The following SUGCT variants were observed in gnomAD, a reference collection of about 807,000 sequenced individuals.
The protein encoded by SUGCT is succinyl-CoA:glutarate-CoA transferase.
A neutral mutation model predicts 55.0 loss-of-function variants in SUGCT; 41 were observed. The observed-to-expected ratio is 0.74, with a 90% CI of 0.58 to 0.97. SUGCT has a LOEUF of 0.97. Ranked by LOEUF, SUGCT falls within the 50% of genes least tolerant of loss-of-function variation. SUGCT has a pLI of 0.00. For synonymous variants in SUGCT, 187 were observed against 200.4 expected (o/e 0.93, Z 0.56); for missense variants, 568 against 547.8 (o/e 1.04, Z -0.37).
chr7:40,781,635 T>A (rs1035382792), intron 13 of SUGCT, among the ~76,000 whole-genome samples: 17 of 152,174 alleles, frequency 1.1e-4, no homozygotes, highest in African/African-American at 3.9e-4. Flanking sequence ...TTTCTGAGAA[T>A]GAATAGAGTT....
chr7:41,015,510 C>A, the SUGCT span, among the ~76,000 whole-genome samples: 1 of 152,172 alleles, frequency 6.6e-6, no homozygotes, highest in African/African-American at 2.4e-5. Flanking sequence ...AAATTCTAAT[C>A]TTTGAAAGTA....
rs148564297 is a variant in SUGCT at position 40,647,743 on chromosome 7, C to T, written c.1090-101691C>T. ...GTGGGCACCTGTAATCCCAGCTACT[C>T]GGTAGGCTGAGGCAGGAGAATCGCT... On this transcript the variant is annotated intron_variant, in intron 12 of 13. Transcript: ENST00000335693. Among the ~76,000 whole-genome samples the T allele has an allele frequency of 1.2e-3, 187 of 151,444 alleles. 1 individual carries two copies. Among genetic ancestry groups the T allele is most frequent in the East Asian group, 6.8e-3 (35 of 5,142 alleles).
At chr7:40,596,446 C>G (rs1798013252) in intron 12 of SUGCT, among the ~76,000 whole-genome samples, 1 of 152,160 alleles carries the variant, frequency 6.6e-6, no homozygotes, top group African/African-American at 2.4e-5. Context: ...AATATTACTG[C>G]TGCAATGTAA....
intron 12 of SUGCT, among the ~76,000 whole-genome samples, chr7:40,728,261 G>A (rs1262159945): frequency 6.6e-6 from 1 of 152,174 alleles, no homozygotes; most frequent in Non-Finnish European, 1.5e-5. Flanking sequence ...GCTCATGCCT[G>A]TAATCCTAGC....
the SUGCT span, chr7:40,965,929 A>C: frequency 6.6e-6 from 1 of 152,350 alleles, no homozygotes; most frequent in African/African-American, 2.4e-5. Flanking sequence ...CAGTCATTGT[A>C]ATGGCCTAGT....
At chr7:40,853,475 C>T (rs1259430295) in intron 13 of SUGCT, among the ~76,000 whole-genome samples, 2 of 152,218 alleles carry the variant, frequency 1.3e-5, no homozygotes. Context: ...AGAAATTCTC[C>T]TGCCTCAGCC....
At chr7:40,212,575 G>A (rs560276113) in intron 6 of SUGCT, among the ~76,000 whole-genome samples, 2 of 151,814 alleles carry the variant, frequency 1.3e-5, no homozygotes, top group African/African-American at 4.8e-5. Context: ...TGCTCTGTCC[G>A]CCAGGCTGGA....
intron 9 of SUGCT, among the ~76,000 whole-genome samples, chr7:40,331,337 C>T (rs895953710): frequency 2.6e-5 from 4 of 152,074 alleles, no homozygotes; most frequent in Non-Finnish European, 5.9e-5. Flanking sequence ...GCTGCTGAGA[C>T]TCAACTTGCT....
chr7:40,798,995 G>C (rs1790683728), intron 13 of SUGCT, among the ~76,000 whole-genome samples: 1 of 152,152 alleles, frequency 6.6e-6, no homozygotes, highest in African/African-American at 2.4e-5. Flanking sequence ...TTTGCTTTAG[G>C]AAGATTGCTG....
At chr7:40,346,519 A>G (rs1797316187) in intron 9 of SUGCT, among the ~76,000 whole-genome samples, 1 of 152,182 alleles carries the variant, frequency 6.6e-6, no homozygotes, top group African/African-American at 2.4e-5. Context: ...TGATCTTAAG[A>G]AAGTTATATA....
intron 9 of SUGCT, among the ~76,000 whole-genome samples, chr7:40,365,288 A>C (rs1440594661): frequency 1.3e-5 from 2 of 152,112 alleles, no homozygotes; most frequent in African/African-American, 4.8e-5. Flanking sequence ...TATCTATGAC[A>C]AACCCACAGC....
At chr7:40,912,371 G>C in the SUGCT span, among the ~76,000 whole-genome samples, 2 of 152,114 alleles carry the variant, frequency 1.3e-5, no homozygotes, top group African/African-American at 4.8e-5. Context: ...AGTTATATCT[G>C]TGATTTATCT....
At chr7:40,471,082 T>A (rs1190739082) in intron 11 of SUGCT, among the ~76,000 whole-genome samples, 1 of 152,176 alleles carries the variant, frequency 6.6e-6, no homozygotes, top group Non-Finnish European at 1.5e-5. Flanking sequence ...ATAGATAATG[T>A]ATTTGAAAAA....
the SUGCT span, among the ~76,000 whole-genome samples, chr7:40,926,538 C>T: frequency 6.6e-6 from 1 of 152,106 alleles, no homozygotes; most frequent in Admixed American, 6.6e-5. Flanking sequence ...GTTTGTATCA[C>T]CCCAAAATTT....
chr7:41,006,147 G>A, the SUGCT span, among the ~76,000 whole-genome samples: 1 of 152,208 alleles, frequency 6.6e-6, no homozygotes, highest in Non-Finnish European at 1.5e-5. Flanking sequence ...GTAACAATGG[G>A]CTGAAAATGA....
chr7:40,816,766 T>C (rs757070458), intron 13 of SUGCT, among the ~76,000 whole-genome samples: 4 of 152,310 alleles, frequency 2.6e-5, no homozygotes, highest in Middle Eastern at 3.4e-3. Flanking sequence ...AAGGTTATTC[T>C]TTAGCAAGCC....
At chr7:40,838,328 TC>T (rs1312085178) in intron 13 of SUGCT, among the ~76,000 whole-genome samples, 3 of 152,232 alleles carry the variant, frequency 2.0e-5, no homozygotes, top group African/African-American at 7.2e-5. Context: ...AGGCATTACA[TC>T]CAACATGTGT....
the SUGCT span, among the ~76,000 whole-genome samples, chr7:41,034,242 TGTGTGTGCTCATGA>T: frequency 6.6e-6 from 1 of 152,144 alleles, no homozygotes; most frequent in Admixed American, 6.5e-5. Context: ...CGTGCGTATG[TGTGTGTGCTCATGA>T]GTGTGTGCAA....
At chr7:40,470,747 G>GTCTCTCTCTCTCTCTCTC (rs34012862) in intron 11 of SUGCT, among the ~76,000 whole-genome samples, 4 of 146,286 alleles carry the variant, frequency 2.7e-5, no homozygotes, top group African/African-American at 1.0e-4. Flanking sequence ...TAAGTGAACA[G>GTCTCTCTCTCTCTCTCTC]TCTCTCTCTC....
Sources: allele counts gnomAD v4.1 joint callset (sites outside exome capture counted in the v4.1 genomes callset), GRCh38; gene constraint gnomAD v4.1.1; transcripts MANE v1.5; gene names NCBI Gene and HGNC (gene_info 2026-07-23, HGNC 2026-07-21).